The following QRFPR variants were observed in gnomAD, a reference collection of about 807,000 sequenced individuals.
QRFPR encodes pyroglutamylated RFamide peptide receptor.
QRFPR carries 37 observed loss-of-function variants against 31.3 expected under a neutral mutation model. The ratio of observed to expected loss-of-function variants is 1.18; its 90% confidence interval spans 0.91 to 1.56. QRFPR has a LOEUF of 1.56. Among genes scored for constraint, QRFPR ranks in the 40% most tolerant of loss-of-function variants. The probability of loss-of-function intolerance (pLI) is 0.00; values close to 1 mark genes in which losing one functional copy is unlikely to be tolerated. For missense variants in QRFPR, 542 were observed against 532.5 expected (o/e 1.02, Z -0.18); for synonymous variants, 197 against 192.0 (o/e 1.03, Z -0.22).
At chr4:121,373,870 C>A (rs1726299716) in intron 1 of QRFPR, among the ~76,000 whole-genome samples, 1 of 152,192 alleles carries the variant, frequency 6.6e-6, no homozygotes, top group African/African-American at 2.4e-5. Flanking sequence ...TTCTTTCTCT[C>A]CCTCCTTTCC....
At chr4:121,358,753 G>T (rs540560510) in intron 1 of QRFPR, among the ~76,000 whole-genome samples, 1 of 152,190 alleles carries the variant, frequency 6.6e-6, no homozygotes, top group East Asian at 1.9e-4. Context: ...ACATAAGCTT[G>T]CCAGAAATGT....
In QRFPR at chr4:121,365,621, TTATATATTA is replaced by T. The variant is rs1560744198; in HGVS notation, c.340+14678_340+14686del. Among the ~76,000 whole-genome samples the T allele has an allele frequency of 1.3e-3, 29 of 22,278 alleles. 3 individuals carry two copies. Among genetic ancestry groups the T allele is most frequent in the East Asian group, 5.4e-3 (3 of 552 alleles). 14.6% of individuals were successfully genotyped at this position (22,278 alleles called of 152,430 possible). ...ATATATAATATATATATTATATATA[TTATATATTA>T]TATATATATTTTATATATTATATAT... On this transcript the variant is annotated intron_variant, in intron 1 of 5. Transcript: ENST00000394427.
At chr4:121,375,531 A>G (rs1726334907) in intron 1 of QRFPR, among the ~76,000 whole-genome samples, 1 of 152,236 alleles carries the variant, frequency 6.6e-6, no homozygotes, top group African/African-American at 2.4e-5. Flanking sequence ...GACTTTGGGC[A>G]GAGGAACAAG....
At chr4:121,351,574 T>C (rs1302991109) in intron 1 of QRFPR, among the ~76,000 whole-genome samples, 1 of 151,984 alleles carries the variant, frequency 6.6e-6, no homozygotes, top group Non-Finnish European at 1.5e-5. Flanking sequence ...AAAGCAGAAA[T>C]CAGAAATAAT....
intron 1 of QRFPR, among the ~76,000 whole-genome samples, chr4:121,351,843 TA>T (rs11333384): frequency 0.29 from 42,025 of 145,974 alleles, 6,128 homozygotes; most frequent in Non-Finnish European, 0.34. Flanking sequence ...TAAAGTAATG[TA>T]AAAAAAAAAA....
Position 121,332,835 on chromosome 4 carries a change from C to A in QRFPR, c.783G>T (p.Met261Ile), listed in dbSNP as rs1364729538. ...SVLRTIHGKE[M>I]SKIARKKKRA... is the part of the protein sequence containing the mutation. Reference sequence around the variant, plus strand: ...ATTAAACAGACCTGGCTATTTTGGACATTTCTTTTCCATGAATAGTTCGAA... The same window carrying A: ...ATTAAACAGACCTGGCTATTTTGGAAATTTCTTTTCCATGAATAGTTCGAA... Residue 261 changes from methionine (M) to isoleucine (I), a missense_variant, in exon 4 of 6, where the codon ATG (methionine) becomes ATT (isoleucine). Physicochemically the swap from Met to Ile is conservative, Grantham distance 10 (BLOSUM62 1). Transcript: ENST00000394427. The A allele has an allele frequency of 1.2e-6, 2 of 1,612,598 alleles. No individual in the cohort carries two copies. Among genetic ancestry groups the A allele is most frequent in the Non-Finnish European group, 1.7e-6 (2 of 1,178,828 alleles).
At chr4:121,374,712 C>A (rs1206914766) in intron 1 of QRFPR, among the ~76,000 whole-genome samples, 2 of 152,162 alleles carry the variant, frequency 1.3e-5, no homozygotes, top group Non-Finnish European at 2.9e-5. Context: ...TGAGCATTAC[C>A]ACTCTAAGAG....
rs142713193 is a variant in QRFPR at position 121,370,377 on chromosome 4, A to C, written c.340+9931T>G. 1.4e-3 allele frequency: 1,013 copies of C among 725,460 alleles called. 24 individuals are homozygous for C. In the East Asian group the frequency reaches 0.02, roughly 14 times the overall value. 44.9% of individuals were successfully genotyped at this position (725,460 alleles called of 1,614,324 possible). On this transcript the variant is annotated intron_variant, in intron 1 of 5. Coordinates refer to ENST00000394427, the MANE Select transcript of QRFPR (RefSeq NM_198179.3). The stretch of plus-strand genomic sequence containing the variant: ...GCTGAGATCCAGGTGTTTTTTCTAT[A>C]TAGAATCCCTGCCACCACGGTGAAA...
At chr4:121,376,293 G>T (rs1019883363) in intron 1 of QRFPR, among the ~76,000 whole-genome samples, 1 of 152,188 alleles carries the variant, frequency 6.6e-6, no homozygotes, top group African/African-American at 2.4e-5. Flanking sequence ...TAGATCAAAG[G>T]TAAGCCAATA....
rs146007405 is a variant in QRFPR at position 121,328,973 on chromosome 4, T to C, written c.*341A>G. 0.026 allele frequency: 4,253 copies of C among 164,344 alleles called. 127 individuals carry two copies. Among genetic ancestry groups the C allele is most frequent in the East Asian group, 0.16 (923 of 5,742 alleles). 10.2% of individuals were successfully genotyped at this position (164,344 alleles called of 1,614,324 possible). Reference sequence around the variant, plus strand: ...GTTTCACCGTGTTAGCCAGGATGGTTTTGATCTCCTGACCTCGTGATCCGC... The same window carrying C: ...GTTTCACCGTGTTAGCCAGGATGGTCTTGATCTCCTGACCTCGTGATCCGC... On this transcript the variant is annotated 3_prime_UTR_variant, in exon 6 of 6. Coordinates refer to ENST00000394427, the MANE Select transcript of QRFPR (RefSeq NM_198179.3).
In QRFPR at chr4:121,329,686, G is replaced by C. The variant is rs756338431; in HGVS notation, c.924C>G (p.Val308=). Residue 308 remains valine (V), a synonymous_variant, in exon 6 of 6, where the codon GTC becomes GTG. Transcript: ENST00000394427. The part of the protein sequence containing the change: ...YSNFEKEYDD[V]TIKMIFAIVQ... ...CGATAGCAAAAATCATCTTGATTGT[G>C]ACATCATCATATTCCTTTTCAAAAT... 6.4e-7 allele frequency: 1 copy of C among 1,563,434 alleles called. No individual in the cohort carries two copies. Among genetic ancestry groups the C allele is most frequent in the Admixed American group, 1.9e-5 (1 of 51,972 alleles).
At chr4:121,343,380 G>T (rs72668963) in intron 1 of QRFPR, among the ~76,000 whole-genome samples, 43,563 of 152,008 alleles carry the variant, frequency 0.29, 6,618 homozygotes, top group Middle Eastern at 0.38. Context: ...CTTTTTGGGG[G>T]CTCCAAATGG....
chr4:121,356,577 G>A (rs1725875744), intron 1 of QRFPR, among the ~76,000 whole-genome samples: 1 of 152,158 alleles, frequency 6.6e-6, no homozygotes, highest in African/African-American at 2.4e-5. Flanking sequence ...ATTCAAAAGA[G>A]ATTGAGTGTC....
intron 1 of QRFPR, among the ~76,000 whole-genome samples, chr4:121,350,540 G>T (rs1235957388): frequency 6.6e-6 from 1 of 152,134 alleles, no homozygotes; most frequent in Non-Finnish European, 1.5e-5. Flanking sequence ...CAATCACAAA[G>T]AATGGTTTAC....
At chr4:121,367,158 G>C (rs1726146606) in intron 1 of QRFPR, among the ~76,000 whole-genome samples, 1 of 149,886 alleles carries the variant, frequency 6.7e-6, no homozygotes, top group Admixed American at 6.6e-5. Context: ...GGCACACAGG[G>C]GTTGAGAAAA....
intron 1 of QRFPR, among the ~76,000 whole-genome samples, chr4:121,365,490 T>TTA (rs201545400): frequency 0.036 from 603 of 16,790 alleles, 119 homozygotes; most frequent in African/African-American, 0.13. Flanking sequence ...ATTAATTAAA[T>TTA]TATATATATA....
intron 1 of QRFPR, among the ~76,000 whole-genome samples, chr4:121,342,031 G>A (rs995232748): frequency 6.6e-6 from 1 of 152,214 alleles, no homozygotes; most frequent in Admixed American, 6.5e-5. Flanking sequence ...ATGCCTGCGA[G>A]GGTGTTTCCA....
At chr4:121,370,535 G>A (rs997804493) in intron 1 of QRFPR, among the ~76,000 whole-genome samples, 2 of 152,190 alleles carry the variant, frequency 1.3e-5, no homozygotes, top group South Asian at 2.1e-4. Context: ...GCCTGTGGCC[G>A]GGAGTCCGGC....
chr4:121,369,441 TG>T, intron 1 of QRFPR: 1 of 882,114 alleles, frequency 1.1e-6, no homozygotes, highest in South Asian at 1.6e-5. Flanking sequence ...TAGAAGCCAG[TG>T]GGTGTGAGCA....
Sources: allele counts gnomAD v4.1 joint callset (sites outside exome capture counted in the v4.1 genomes callset), GRCh38; gene constraint gnomAD v4.1.1; transcripts MANE v1.5; gene names NCBI Gene and HGNC (gene_info 2026-07-23, HGNC 2026-07-21).